MYB: variants seen among roughly 807,000 people sequenced by gnomAD.
MYB encodes the protein MYB proto-oncogene, transcription factor.
Under a neutral mutation model 92.9 loss-of-function variants are expected in MYB, and 28 were observed. The ratio of observed to expected loss-of-function variants is 0.30; its 90% CI spans 0.22 to 0.41. The LOEUF is 0.41. MYB is among the 10% of genes least tolerant of loss of function. The pLI, the probability that MYB is intolerant of heterozygous loss-of-function variation, is 1.00. For missense variants in MYB, 679 were observed against 929.3 expected (o/e 0.73, Z 3.50); for synonymous variants, 295 against 329.1 (o/e 0.90, Z 1.12).
Position 135,197,208 on chromosome 6 carries a change from G to A in MYB, c.1451G>A (p.Arg484Gln), listed in dbSNP as rs764563675. Reference protein sequence around the residue: ...TIPLVILRKKRGQASPLATGD... With the variant: ...TIPLVILRKKQGQASPLATGD... ...CCACTGGTCATCCTTCGAAAAAAAC[G>A]GGGCCAGGCCAGCCCCTTAGCCACT... is the stretch of plus-strand genomic sequence containing the variant. Residue 484 changes from arginine (R) to glutamine (Q), a missense_variant, in exon 10 of 16, where the codon CGG becomes CAG. Around this residue, in one of 8 missense-constraint regions of MYB, gnomAD observed 402 missense variants for 434.2 expected, o/e 0.93. Coordinates refer to ENST00000341911, the MANE Select transcript of MYB (RefSeq NM_001130173.2). 27 of 1,613,830 alleles carry A rather than the reference G, an allele frequency of 1.7e-5. No individual in the cohort carries two copies. The highest frequency in any genetic ancestry group is 1.2e-4 in the African/African-American group (9 of 74,914).
intron 9 of MYB, chr6:135,196,750 C>G (rs1285825590): frequency 6.6e-7 from 1 of 1,519,682 alleles, no homozygotes; most frequent in African/African-American, 1.4e-5. Flanking sequence ...GAGGTCCCTG[C>G]AGCACATCAG....
At position 135,218,386 on chromosome 6, in the gene MYB, G is replaced by A. The variant is rs1458547552; in HGVS notation, c.*406G>A. 6 of 223,858 alleles carry A rather than the reference G, an allele frequency of 2.7e-5. No individual in the cohort carries two copies. Among genetic ancestry groups the A allele is most frequent in the Admixed American group, 5.6e-5 (1 of 17,956 alleles). 13.9% of individuals were successfully genotyped at this position (223,858 alleles called of 1,614,324 possible). A position where few individuals can be genotyped will look rare whatever the true frequency, so the allele number is the denominator to read the frequency against. On this transcript the variant is annotated 3_prime_UTR_variant, in exon 16 of 16. Transcript: ENST00000341911. ...CACTTTTCTCGATCACTAAACATAT[G>A]CATATATTTTTAAAAATCAGTAAAA...
At position 135,197,294 on chromosome 6, in the gene MYB, G is replaced by A; in HGVS notation, c.1537G>A (p.Val513Ile). The A allele has an allele frequency of 1.2e-6, 2 of 1,613,044 alleles. No homozygotes were observed. Among genetic ancestry groups the A allele is most frequent in the Non-Finnish European group, 1.7e-6 (2 of 1,179,368 alleles). Residue 513 changes from valine to isoleucine, a missense_variant, in exon 10 of 16, where the codon GTC becomes ATC. Val to Ile is a conservative substitution (Grantham distance 29, BLOSUM62 3). Around this residue, in one of 8 missense-constraint regions of MYB, gnomAD observed 402 missense variants for 434.2 expected, o/e 0.93. Coordinates refer to ENST00000341911, the MANE Select transcript of MYB (RefSeq NM_001130173.2). ...VSSSTPKRSPVKSLPFSPSQF... is the reference protein window; with the variant it reads ...VSSSTPKRSPIKSLPFSPSQF... Reference sequence around the variant, plus strand: ...CAGTTCAACTCCCAAGCGTTCCCCTGTCAAAAGCCTACCCTTCTCTCCCTC... The same window carrying A: ...CAGTTCAACTCCCAAGCGTTCCCCTATCAAAAGCCTACCCTTCTCTCCCTC...
In MYB at chr6:135,197,199, GA is replaced by G; in HGVS notation, c.1449del (p.Lys483AsnfsTer8). 1 of 1,613,808 alleles carries G rather than the reference GA, an allele frequency of 6.2e-7. No individual in the cohort carries two copies. The highest frequency in any genetic ancestry group is 1.6e-4 in the Middle Eastern group (1 of 6,062). On this transcript the variant is annotated frameshift_variant, in exon 10 of 16. Transcript: ENST00000341911. LOFTEE classifies it high-confidence loss of function. ...RHSTIPLVIL[R>X]KKRGQASPLA... ...AGCACAATTCCACTGGTCATCCTTC[GA>G]AAAAAACGGGGCCAGGCCAGCCCCT... is the stretch of plus-strand genomic sequence containing the variant.
At chr6:135,195,082 G>A in intron 8 of MYB, 1 of 1,291,564 alleles carries the variant, frequency 7.7e-7, no homozygotes, top group Non-Finnish European at 1.0e-6. Context: ...GTGATGCCCA[G>A]TAGGTATTCC....
At position 135,192,556 on chromosome 6, in the gene MYB, A is replaced by G. The variant is rs1776749551; in HGVS notation, c.760A>G (p.Asn254Asp). ...YSYYHISEAQ[N>D]VSSHVPYPVA... Reference sequence around the variant, plus strand: ...CTATTACCACATTTCTGAAGCACAAAATGTAAGCCATTCCTGTGAATCTAG... The same window carrying G: ...CTATTACCACATTTCTGAAGCACAAGATGTAAGCCATTCCTGTGAATCTAG... Residue 254 changes from asparagine to aspartate, a missense_variant and splice_region_variant, in exon 6 of 16, where the codon AAT (asparagine) becomes GAT (aspartate). Around this residue, in one of 8 missense-constraint regions of MYB, gnomAD observed 43 missense variants for 87.9 expected, o/e 0.49. Transcript: ENST00000341911. 1 of 1,613,116 alleles carries G rather than the reference A, an allele frequency of 6.2e-7. No individual in the cohort carries two copies. Among genetic ancestry groups the G allele is most frequent in the Non-Finnish European group, 8.5e-7 (1 of 1,179,008 alleles).
In MYB at chr6:135,185,784, A is replaced by T. The variant is rs973187889; in HGVS notation, c.24-119A>T. 1.3e-5 allele frequency: 11 copies of T among 820,900 alleles called. No individual in the cohort carries two copies. In the African/African-American group the frequency reaches 1.9e-4, roughly 14 times the overall value. 50.9% of individuals were successfully genotyped at this position (820,900 alleles called of 1,614,324 possible). ...AACAATCTTGTTGTGCAAGTTTTCAAAGTTTTGTCTTCATAACCTTTGAAA... is the reference window on the plus strand; with the variant it reads ...AACAATCTTGTTGTGCAAGTTTTCATAGTTTTGTCTTCATAACCTTTGAAA... On this transcript the variant is annotated intron_variant, in intron 1 of 15. Coordinates refer to ENST00000341911, the MANE Select transcript of MYB (RefSeq NM_001130173.2).
At chr6:135,193,302 G>C (rs1311142011) in intron 6 of MYB, among the ~76,000 whole-genome samples, 1 of 152,128 alleles carries the variant, frequency 6.6e-6, no homozygotes, top group African/African-American at 2.4e-5. Context: ...CAAGAATAGA[G>C]AGCTCATATG....
intron 15 of MYB, among the ~76,000 whole-genome samples, chr6:135,216,726 T>C (rs1780497267): frequency 6.6e-6 from 1 of 152,224 alleles, no homozygotes; most frequent in Non-Finnish European, 1.5e-5. Context: ...TTTATACACA[T>C]TTTTAAACTC....
rs561415471 is a variant in MYB at position 135,208,201 on chromosome 6, C to G, written c.2169+4877C>G. 3.8e-3 allele frequency among the ~76,000 whole-genome samples: 572 copies of G among 148,964 alleles called. 1 individual carries two copies. Among genetic ancestry groups the G allele is most frequent in the South Asian group, 5.9e-3 (28 of 4,730 alleles). ...TCAAGTGATTCTTCTGCCTTAGCCTCTCGAGTAGCTGGGACTACAGGCGCT... is the reference window on the plus strand; with the variant it reads ...TCAAGTGATTCTTCTGCCTTAGCCTGTCGAGTAGCTGGGACTACAGGCGCT... On this transcript the variant is annotated intron_variant, in intron 15 of 15. Transcript: ENST00000341911.
intron 15 of MYB, among the ~76,000 whole-genome samples, chr6:135,207,529 A>G (rs1277468190): frequency 2.0e-5 from 3 of 152,198 alleles, no homozygotes; most frequent in African/African-American, 7.2e-5. Context: ...TGAGGCCCAT[A>G]TACTGGGCCA....
At position 135,200,432 on chromosome 6, in the gene MYB, T is replaced by C. The variant is rs747432308; in HGVS notation, c.1950+17T>C. 2 of 1,613,790 alleles carry C rather than the reference T, an allele frequency of 1.2e-6. No homozygotes were observed. The highest frequency in any genetic ancestry group is 2.2e-5 in the South Asian group (2 of 91,068). ...AAACAAGAGGTAAACACGCAACCCT[T>C]TGGAAGCAACAAGCTGAGAATCCTG... On this transcript the variant is annotated intron_variant, in intron 13 of 15. Transcript: ENST00000341911.
Position 135,193,705 on chromosome 6 carries a change from A to T in MYB, c.763-133A>T, listed in dbSNP as rs1386701944. On this transcript the variant is annotated intron_variant, in intron 6 of 15. Coordinates refer to ENST00000341911, the MANE Select transcript of MYB (RefSeq NM_001130173.2). ...AAATTTCACATTAAAAGGTTTTAAA[A>T]ATTTGTTTAGTGTATTTTATCAGTA... The T allele has an allele frequency of 3.6e-5, 20 of 553,118 alleles. No homozygotes were observed. The South Asian group carries it at 5.2e-4, about 14-fold the overall frequency. 34.3% of individuals were successfully genotyped at this position (553,118 alleles called of 1,614,324 possible). A position where few individuals can be genotyped will look rare whatever the true frequency, so the allele number is the denominator to read the frequency against.
At chr6:135,206,503 C>G (rs1046896266) in intron 15 of MYB, among the ~76,000 whole-genome samples, 3 of 151,892 alleles carry the variant, frequency 2.0e-5, no homozygotes, top group Non-Finnish European at 4.4e-5. Flanking sequence ...TGAGACCAAC[C>G]TGGCCAACAT....
intron 15 of MYB, among the ~76,000 whole-genome samples, chr6:135,216,520 T>C (rs1400871068): frequency 1.3e-5 from 2 of 152,162 alleles, no homozygotes; most frequent in Non-Finnish European, 2.9e-5. Flanking sequence ...ATGGAAATAG[T>C]TGTTATATTG....
chr6:135,187,537 C>T (rs891401299), intron 2 of MYB, among the ~76,000 whole-genome samples: 2 of 152,110 alleles, frequency 1.3e-5, no homozygotes, highest in African/African-American at 2.4e-5. Flanking sequence ...TAATAAATTG[C>T]CCCATGTAAT....
intron 15 of MYB, chr6:135,203,941 T>C (rs1003076542): frequency 6.4e-6 from 7 of 1,099,580 alleles, no homozygotes; most frequent in Non-Finnish European, 7.9e-6. Flanking sequence ...TCCAAATTAA[T>C]CCTGAGCCAA....
At position 135,201,721 on chromosome 6, in the gene MYB, C is replaced by T. The variant is rs374987126; in HGVS notation, c.2033C>T (p.Thr678Met). ...EGDSLNTQLF[T>M]QTSPVADAPN... ...GACAGTCTGAATACCCAACTGTTCA[C>T]GCAGACCTCGCCTGTGGCAGATGCA... Residue 678 changes from threonine to methionine, a missense_variant, in exon 14 of 16, where the codon ACG (threonine) becomes ATG (methionine). By Grantham distance (81) the Thr-to-Met change is moderately conservative. This residue lies in a region of MYB where 402 missense variants were observed against 434.2 expected (regional missense o/e 0.93). Coordinates refer to ENST00000341911, the MANE Select transcript of MYB (RefSeq NM_001130173.2). 54 of 1,539,044 alleles carry T rather than the reference C, an allele frequency of 3.5e-5. 1 individual carries two copies. The highest frequency in any genetic ancestry group is 2.1e-4 in the East Asian group (9 of 42,178).
intron 15 of MYB, chr6:135,203,849 C>T (rs1366666817): frequency 1.2e-5 from 15 of 1,240,874 alleles, no homozygotes; most frequent in African/African-American, 1.6e-5. Context: ...CTGAAGTTGA[C>T]CATCTGCTGT....
Sources: allele counts gnomAD v4.1 joint callset (sites outside exome capture counted in the v4.1 genomes callset), GRCh38; gene constraint gnomAD v4.1.1; regional missense constraint gnomAD v4.1.1; transcripts MANE v1.5; gene names NCBI Gene and HGNC (gene_info 2026-07-23, HGNC 2026-07-21).